SLC16A3: variants seen among roughly 807,000 people sequenced by gnomAD.
The protein encoded by SLC16A3 is monocarboxylate transporter 4.
SLC16A3 carries 22 observed loss-of-function variants against 25.0 expected under a neutral mutation model. The ratio of observed to expected loss-of-function variants is 0.88; its 90% CI spans 0.63 to 1.26. The LOEUF (loss-of-function observed/expected upper bound fraction) is 1.26. Among genes scored for constraint, SLC16A3 ranks in the 50% most tolerant of loss-of-function variants. The probability of loss-of-function intolerance (pLI) is 0.00; values close to 1 mark genes in which losing one functional copy is unlikely to be tolerated. For synonymous variants in SLC16A3, 390 were observed against 309.2 expected (o/e 1.26, Z -2.74); for missense variants, 731 against 666.6 (o/e 1.10, Z -1.06).
At chr17:82,221,691 G>A (rs527790311) in intron 1 of SLC16A3, among the ~76,000 whole-genome samples, 29 of 152,262 alleles carry the variant, frequency 1.9e-4, no homozygotes, top group African/African-American at 5.5e-4. Flanking sequence ...TTAGAGAAAC[G>A]CAAATCCAAT....
At position 82,237,736 on chromosome 17, in the gene SLC16A3, G is replaced by T. The variant is rs1218422949; in HGVS notation, c.966G>T (p.Val322=). 2 of 1,612,058 alleles carry T rather than the reference G, an allele frequency of 1.2e-6. No individual in the cohort carries two copies. Among genetic ancestry groups the T allele is most frequent in the South Asian group, 1.1e-5 (1 of 91,088 alleles). Residue 322 remains valine (V), a synonymous_variant, in exon 4 of 5, where the codon GTG becomes GTT. Coordinates refer to ENST00000582743, the MANE Select transcript of SLC16A3 (RefSeq NM_004207.4). ...GSTAGDYGGL[V]VFCIFFGISY... ...CGGCGGGCGACTACGGCGGCCTCGT[G>T]GTCTTCTGCATCTTCTTTGGCATCT...
At chr17:82,224,385 C>A (rs1310537980), upstream of SLC16A3, among the ~76,000 whole-genome samples, 2 of 119,544 alleles carry the variant, frequency 1.7e-5, no homozygotes, top group East Asian at 4.8e-4. Flanking sequence ...GTCACCTGTG[C>A]AGACACACCC....
At chr17:82,227,247 G>A (rs1185471402), upstream of SLC16A3, among the ~76,000 whole-genome samples, 2 of 152,114 alleles carry the variant, frequency 1.3e-5, no homozygotes, top group Admixed American at 6.5e-5. Context: ...TCCTTCAGGA[G>A]GCAGGAGGGG....
In SLC16A3 at chr17:82,238,793, C is replaced by T. The variant is rs767358162; in HGVS notation, c.1215C>T (p.Gly405=). Residue 405 remains glycine (G), a synonymous_variant, in exon 5 of 5, where the codon GGC becomes GGT. Transcript: ENST00000582743. Reference sequence around the variant, plus strand: ...CCTCCTCCCTGATTTTGCTGCTGGGCAACTTCTTCTGCATTAGGAAGAAGC... The same window carrying T: ...CCTCCTCCCTGATTTTGCTGCTGGGTAACTTCTTCTGCATTAGGAAGAAGC... ...VLTSSLILLL[G]NFFCIRKKPK... 3 of 1,612,822 alleles carry T rather than the reference C, an allele frequency of 1.9e-6. No homozygotes were observed. The highest frequency in any genetic ancestry group is 2.5e-6 in the Non-Finnish European group (3 of 1,179,964).
At chr17:82,226,737 G>C (rs2050424418), upstream of SLC16A3, among the ~76,000 whole-genome samples, 2 of 152,192 alleles carry the variant, frequency 1.3e-5, no homozygotes, top group Non-Finnish European at 2.9e-5. Flanking sequence ...TGGAGGTCAG[G>C]GGTACCTCAT....
rs551405625 is a variant in SLC16A3 at position 82,237,973 on chromosome 17, C to G, written c.1123+80C>G. ...CGCTTTGCGAGGGGGGGGACGCGCACCCCTCGGCAGCCACCCGCAGTGTGG... is the reference window on the plus strand; with the variant it reads ...CGCTTTGCGAGGGGGGGGACGCGCAGCCCTCGGCAGCCACCCGCAGTGTGG... On this transcript the variant is annotated intron_variant, in intron 4 of 4. Coordinates refer to ENST00000582743, the MANE Select transcript of SLC16A3 (RefSeq NM_004207.4). 4 of 1,487,252 alleles carry G rather than the reference C, an allele frequency of 2.7e-6. No individual in the cohort carries two copies. In the African/African-American group the frequency reaches 5.5e-5, roughly 21 times the overall value. The allele number at this position is 1,487,252 out of a possible 1,614,324, so 92.1% of individuals were successfully genotyped here. A position where few individuals can be genotyped will look rare whatever the true frequency, so the allele number is the denominator to read the frequency against.
At position 82,239,027 on chromosome 17, in the gene SLC16A3, C is replaced by T. The variant is rs750861421; in HGVS notation, c.*51C>T. 1.6e-5 allele frequency: 23 copies of T among 1,472,814 alleles called. No homozygotes were observed. Among genetic ancestry groups the T allele is most frequent in the East Asian group, 4.7e-5 (2 of 42,316 alleles). The allele number at this position is 1,472,814 out of a possible 1,614,324, so 91.2% of individuals were successfully genotyped here. A position where few individuals can be genotyped will look rare whatever the true frequency, so the allele number is the denominator to read the frequency against. ...AGGGAGGAGGTACAGAAGCCGGCAA[C>T]GCTTGCTATTTATTTTACAAACTGG... is the stretch of plus-strand genomic sequence containing the variant. On this transcript the variant is annotated 3_prime_UTR_variant, in exon 5 of 5. Coordinates refer to ENST00000582743, the MANE Select transcript of SLC16A3 (RefSeq NM_004207.4).
At chr17:82,229,554 C>A (rs2050460723) in intron 1 of SLC16A3, 1 of 152,396 alleles carries the variant, frequency 6.6e-6, no homozygotes, top group African/African-American at 2.4e-5. Context: ...TGCGCTCGGG[C>A]CGTGGCGCTT....
chr17:82,221,612 C>A (rs1374062547), intron 1 of SLC16A3, among the ~76,000 whole-genome samples: 1 of 150,600 alleles, frequency 6.6e-6, no homozygotes, highest in African/African-American at 2.4e-5. Flanking sequence ...ACAAAAAAGA[C>A]AACCCAATAC....
chr17:82,232,917 G>GT (rs2147120186), intron 1 of SLC16A3, among the ~76,000 whole-genome samples: 1 of 146,060 alleles, frequency 6.8e-6, no homozygotes, highest in African/African-American at 2.5e-5. Flanking sequence ...CTGGGGGGCG[G>GT]CGGGGGGGGG....
chr17:82,237,694 G>T lies in SLC16A3; in HGVS notation c.924G>T (p.Ala308=). Residue 308 remains alanine, a synonymous_variant, in exon 4 of 5, where the codon GCG becomes GCT. Coordinates refer to ENST00000582743, the MANE Select transcript of SLC16A3 (RefSeq NM_004207.4). ...TCTCCATGTTCTTCAACGGCCTCGC[G>T]GACCTGGCGGGTTCTACGGCGGGCG... ...FSFSMFFNGL[A]DLAGSTAGDY... 2.5e-6 allele frequency: 4 copies of T among 1,612,760 alleles called. No individual in the cohort carries two copies. Among genetic ancestry groups the T allele is most frequent in the Non-Finnish European group, 2.5e-6 (3 of 1,179,788 alleles).
intron 1 of SLC16A3, 197 bp from the exon 2 acceptor site, chr17:82,235,786 G>T: frequency 1.7e-6 from 1 of 595,438 alleles, no homozygotes. Flanking sequence ...TGCAGAGGGA[G>T]TGGGACCCAC....
chr17:82,227,370 C>T (rs2050429741), upstream of SLC16A3, among the ~76,000 whole-genome samples: 2 of 152,050 alleles, frequency 1.3e-5, no homozygotes. Context: ...TGGAAGGTGT[C>T]TCGGTGGCTT....
intron 1 of SLC16A3, among the ~76,000 whole-genome samples, chr17:82,220,941 A>G (rs1306834808): frequency 6.6e-6 from 1 of 152,100 alleles, no homozygotes; most frequent in Non-Finnish European, 1.5e-5. Flanking sequence ...CTCGTGCCTC[A>G]GCTTCCCGAG....
intron 1 of SLC16A3, chr17:82,235,701 GA>G (rs2050584791): frequency 2.1e-6 from 1 of 480,216 alleles, no homozygotes; most frequent in Non-Finnish European, 3.8e-6. Context: ...CTTGTCCCAG[GA>G]GGTAATCTGA....
intron 2 of SLC16A3, 63 bp downstream of exon 2, chr17:82,236,294 G>C (rs969712185): frequency 6.8e-7 from 1 of 1,464,916 alleles, no homozygotes; most frequent in Non-Finnish European, 9.5e-7. Context: ...TGCTGGGCGC[G>C]TGTAGCTGGG....
chr17:82,232,057 T>C (rs890716745), intron 1 of SLC16A3: 1 of 152,256 alleles, frequency 6.6e-6, no homozygotes, highest in Non-Finnish European at 1.5e-5. Context: ...CCTCCCCCGG[T>C]GCAGCGCCCT....
intron 1 of SLC16A3, among the ~76,000 whole-genome samples, chr17:82,219,107 G>A (rs569088197): frequency 1.5e-4 from 23 of 152,292 alleles, no homozygotes; most frequent in Admixed American, 1.4e-3. Flanking sequence ...AGGCAGGTGT[G>A]GGCAGGGAGG....
chr17:82,218,757 G>T (rs555763061), intron 1 of SLC16A3, among the ~76,000 whole-genome samples: 5 of 152,182 alleles, frequency 3.3e-5, no homozygotes. Flanking sequence ...CCGGCTGTGC[G>T]TGGAGAACGG....
Sources: gnomAD v4.1 joint callset for allele counts (sites outside exome capture counted in the v4.1 genomes callset) on GRCh38, gnomAD v4.1.1 for gene constraint, MANE v1.5 for transcripts, NCBI Gene and HGNC (gene_info 2026-07-23, HGNC 2026-07-21) for gene names.